MAGI2: variants seen among roughly 807,000 people sequenced by gnomAD.
The protein encoded by MAGI2 is membrane-associated guanylate kinase, WW and PDZ domain-containing protein 2.
MAGI2 carries 35 observed loss-of-function variants against 133.3 expected under a neutral mutation model. The ratio of observed to expected loss-of-function variants is 0.26; its 90% confidence interval spans 0.20 to 0.35. MAGI2 has a LOEUF of 0.35. MAGI2 is among the 10% of genes least tolerant of loss of function. The probability of loss-of-function intolerance (pLI) is 1.00; values close to 1 mark genes in which losing one functional copy is unlikely to be tolerated. For missense variants in MAGI2, 1,636 were observed against 1,863.4 expected, an observed-to-expected ratio of 0.88 and a Z score of 2.25; for synonymous variants, 729 against 710.6, an observed-to-expected ratio of 1.03 and a Z score of -0.41.
At chr7:78,435,373 C>T (rs547603997) in intron 6 of MAGI2, among the ~76,000 whole-genome samples, 5 of 152,270 alleles carry the variant, frequency 3.3e-5, no homozygotes, top group East Asian at 1.9e-4. Context: ...TCACTCTTCA[C>T]GTCTGTGAAG....
At chr7:79,160,667 C>G (rs937297352) in intron 1 of MAGI2, among the ~76,000 whole-genome samples, 2 of 150,214 alleles carry the variant, frequency 1.3e-5, no homozygotes, top group African/African-American at 5.0e-5. Context: ...AATGATCATC[C>G]TAGTAAAGTG....
intron 2 of MAGI2, among the ~76,000 whole-genome samples, chr7:78,962,154 C>T (rs1802902032): frequency 6.6e-6 from 1 of 152,062 alleles, no homozygotes; most frequent in South Asian, 2.1e-4. Context: ...CCTCATTCCA[C>T]TCCTAGTTTT....
At chr7:78,319,676 G>A (rs1787795018) in intron 9 of MAGI2, among the ~76,000 whole-genome samples, 1 of 152,096 alleles carries the variant, frequency 6.6e-6, no homozygotes, top group South Asian at 2.1e-4. Context: ...GAGAAAGCAG[G>A]AAAGATCTAA....
At chr7:78,094,834 T>C (rs1817554710) in intron 20 of MAGI2, among the ~76,000 whole-genome samples, 2 of 152,220 alleles carry the variant, frequency 1.3e-5, no homozygotes, top group African/African-American at 2.4e-5. Context: ...CAATTAGCAT[T>C]GCAATCTTCA....
intron 1 of MAGI2, among the ~76,000 whole-genome samples, chr7:79,233,793 C>T (rs1197175187): frequency 7.0e-6 from 1 of 142,932 alleles, no homozygotes; most frequent in Non-Finnish European, 1.5e-5. Flanking sequence ...AGTCCATTTA[C>T]ATTTAAAGTT....
intron 3 of MAGI2, among the ~76,000 whole-genome samples, chr7:78,572,149 T>C (rs538293989): frequency 4.1e-4 from 63 of 152,288 alleles, no homozygotes; most frequent in African/African-American, 1.5e-3. Context: ...TGTCTTTATT[T>C]TGCTGCTTGT....
chr7:78,975,141 A>C (rs1804133764), intron 2 of MAGI2, among the ~76,000 whole-genome samples: 1 of 151,794 alleles, frequency 6.6e-6, no homozygotes, highest in Non-Finnish European at 1.5e-5. Flanking sequence ...GACATCAGTA[A>C]GGATATAGTT....
In MAGI2 at chr7:78,451,284, A is replaced by G. The variant is rs569302451; in HGVS notation, c.1045+38477T>C. On this transcript the variant is annotated intron_variant, in intron 6 of 21. Transcript: ENST00000354212. ...TTTGAGGTGCTTGCTTCCTTAAATA[A>G]TATACATTTCTAATATTGCATTAGA... Among the ~76,000 whole-genome samples the G allele has an allele frequency of 3.3e-5, 5 of 152,234 alleles. No individual in the cohort carries two copies. The East Asian group carries it at 9.7e-4, about 29-fold the overall frequency.
intron 2 of MAGI2, among the ~76,000 whole-genome samples, chr7:78,784,034 C>T (rs1826607825): frequency 6.6e-6 from 1 of 152,096 alleles, no homozygotes; most frequent in South Asian, 2.1e-4. Flanking sequence ...AATGGTCATA[C>T]TAATTGCGTT....
intron 2 of MAGI2, among the ~76,000 whole-genome samples, chr7:78,656,115 A>G (rs1417587902): frequency 6.6e-6 from 1 of 152,162 alleles, no homozygotes; most frequent in African/African-American, 2.4e-5. Flanking sequence ...GAGGCTGTCC[A>G]TTATACTAGA....
chr7:78,846,454 C>G (rs934654292), intron 2 of MAGI2, among the ~76,000 whole-genome samples: 1 of 151,916 alleles, frequency 6.6e-6, no homozygotes, highest in Non-Finnish European at 1.5e-5. Context: ...TCAGAGTTGC[C>G]TGTACTCTTG....
chr7:78,169,497 C>G (rs1825921417), intron 14 of MAGI2, among the ~76,000 whole-genome samples: 1 of 11,916 alleles, frequency 8.4e-5, no homozygotes, highest in South Asian at 1.8e-3. Flanking sequence ...CTTAGTCTCA[C>G]TGCTCAGTGT....
At chr7:78,198,518 G>A (rs1480238481) in intron 11 of MAGI2, among the ~76,000 whole-genome samples, 6 of 134,246 alleles carry the variant, frequency 4.5e-5, no homozygotes, top group East Asian at 2.6e-4. Context: ...TGCAACCTCC[G>A]CCTCCCGGGC....
intron 3 of MAGI2, among the ~76,000 whole-genome samples, chr7:78,573,246 A>AT (rs1491293861): frequency 1.7e-3 from 88 of 51,422 alleles, no homozygotes; most frequent in Non-Finnish European, 2.6e-3. Flanking sequence ...ATATATATAT[A>AT]AATATATATA....
At chr7:79,317,976 A>G (rs919429472) in intron 1 of MAGI2, among the ~76,000 whole-genome samples, 7 of 152,204 alleles carry the variant, frequency 4.6e-5, no homozygotes, top group African/African-American at 1.4e-4. Context: ...ACCAGTATTG[A>G]TCACTCCCTC....
intron 3 of MAGI2, among the ~76,000 whole-genome samples, chr7:78,558,264 A>T (rs1800028903): frequency 6.6e-6 from 1 of 152,200 alleles, no homozygotes; most frequent in South Asian, 2.1e-4. Flanking sequence ...TAATTTAAAA[A>T]GAAACGTGGG....
chr7:78,506,874 C>T (rs1253901229), intron 4 of MAGI2, among the ~76,000 whole-genome samples: 1 of 152,148 alleles, frequency 6.6e-6, no homozygotes, highest in East Asian at 1.9e-4. Context: ...AACTTTCCTT[C>T]TACTGTATAA....
At chr7:78,542,222 G>A (rs1036756299) in intron 3 of MAGI2, among the ~76,000 whole-genome samples, 3 of 152,144 alleles carry the variant, frequency 2.0e-5, no homozygotes, top group Non-Finnish European at 4.4e-5. Flanking sequence ...AAAATAGAAA[G>A]TAGACTGGAC....
At chr7:78,735,199 A>G (rs1821731984) in intron 2 of MAGI2, among the ~76,000 whole-genome samples, 1 of 152,200 alleles carries the variant, frequency 6.6e-6, no homozygotes, top group Non-Finnish European at 1.5e-5. Flanking sequence ...AATATGGTAG[A>G]AAAATTACAT....
Sources: gnomAD v4.1 joint callset for allele counts (sites outside exome capture counted in the v4.1 genomes callset) on GRCh38, gnomAD v4.1.1 for gene constraint, MANE v1.5 for transcripts, NCBI Gene and HGNC (gene_info 2026-07-23, HGNC 2026-07-21) for gene names.